GRM8: variants seen among roughly 807,000 people sequenced by gnomAD.
GRM8 encodes glutamate metabotropic receptor 8.
GRM8 carries 47 observed loss-of-function variants against 87.2 expected under a neutral mutation model. That is an observed-to-expected ratio of 0.54 (90% CI 0.43 to 0.69). GRM8 has a LOEUF of 0.69. GRM8 is among the 30% of genes least tolerant of loss of function. The pLI is 0.00. For missense variants in GRM8, 1,019 were observed against 1,139.2 expected, an observed-to-expected ratio of 0.89 and a Z score of 1.52; for synonymous variants, 396 against 404.5, an observed-to-expected ratio of 0.98 and a Z score of 0.25.
chr7:127,006,977 T>C (rs1374270391), intron 3 of GRM8, among the ~76,000 whole-genome samples: 1 of 152,006 alleles, frequency 6.6e-6, no homozygotes, highest in Non-Finnish European at 1.5e-5. Context: ...AACAGTCTTT[T>C]ATTTTACGTA....
chr7:126,729,346 G>T (rs1407416315), intron 7 of GRM8, among the ~76,000 whole-genome samples: 1 of 152,152 alleles, frequency 6.6e-6, no homozygotes, highest in Non-Finnish European at 1.5e-5. Flanking sequence ...GAGCCAAGGA[G>T]TCAAAACTCC....
Position 126,893,407 on chromosome 7 carries a change from A to C in GRM8, c.1156+9135T>G, listed in dbSNP as rs1429282017. 2.0e-5 allele frequency among the ~76,000 whole-genome samples: 3 copies of C among 152,020 alleles called. No individual in the cohort carries two copies. In the East Asian group the frequency reaches 5.8e-4, roughly 29 times the overall value. On this transcript the variant is annotated intron_variant, in intron 6 of 10. Coordinates refer to ENST00000339582, the MANE Select transcript of GRM8 (RefSeq NM_000845.3). ...TATCAGAATAGTACATTTTCTTCTTAAATTACAGTAAAAGCCCTTTTATAA... is the reference window on the plus strand; with the variant it reads ...TATCAGAATAGTACATTTTCTTCTTCAATTACAGTAAAAGCCCTTTTATAA...
chr7:127,030,138 C>T (rs993318859), intron 3 of GRM8, among the ~76,000 whole-genome samples: 2 of 152,024 alleles, frequency 1.3e-5, no homozygotes, highest in Middle Eastern at 3.2e-3. Context: ...TGCCTTTCCT[C>T]AAGTTGAGTG....
intron 2 of GRM8, among the ~76,000 whole-genome samples, chr7:127,140,299 C>T (rs1828190130): frequency 6.6e-6 from 1 of 152,052 alleles, no homozygotes; most frequent in Non-Finnish European, 1.5e-5. Flanking sequence ...CAAACCCTGT[C>T]CCCAATCCCA....
intron 10 of GRM8, 145 bp downstream of exon 10, chr7:126,445,981 A>G: frequency 1.1e-6 from 1 of 926,054 alleles, no homozygotes. Context: ...ATGGTTTTAA[A>G]TGTGATGGTG....
chr7:127,123,564 C>T (rs1189938845), intron 2 of GRM8, among the ~76,000 whole-genome samples: 2 of 152,238 alleles, frequency 1.3e-5, no homozygotes, highest in Non-Finnish European at 2.9e-5. Context: ...GATGCAGATG[C>T]CCAATCTTAA....
intron 2 of GRM8, among the ~76,000 whole-genome samples, chr7:127,121,705 G>A (rs1333410294): frequency 2.6e-5 from 4 of 152,154 alleles, no homozygotes; most frequent in Non-Finnish European, 4.4e-5. Context: ...GTGAGGGAGA[G>A]AGAGTGCACG....
chr7:126,550,087 A>G (rs2150924680), intron 8 of GRM8, among the ~76,000 whole-genome samples: 1 of 151,736 alleles, frequency 6.6e-6, no homozygotes, highest in South Asian at 2.1e-4. Flanking sequence ...CAAGTTCCAG[A>G]GTAGAGTGAA....
intron 6 of GRM8, among the ~76,000 whole-genome samples, chr7:126,807,553 T>C (rs1237958332): frequency 2.6e-5 from 4 of 152,104 alleles, no homozygotes; most frequent in African/African-American, 9.7e-5. Flanking sequence ...GTTGCCTCCT[T>C]ATATCCAGGT....
intron 6 of GRM8, among the ~76,000 whole-genome samples, chr7:126,789,243 A>AC (rs1821002607): frequency 6.6e-6 from 1 of 152,206 alleles, no homozygotes; most frequent in African/African-American, 2.4e-5. Flanking sequence ...ACCAAAAAAA[A>AC]ACACACAATG....
At position 126,828,026 on chromosome 7, in the gene GRM8, G is replaced by A. The variant is rs531751206; in HGVS notation, c.1157-57961C>T. 1.4e-3 allele frequency among the ~76,000 whole-genome samples: 220 copies of A among 152,216 alleles called. 1 individual carries two copies. Among genetic ancestry groups the A allele is most frequent in the African/African-American group, 4.7e-3 (196 of 41,530 alleles). On this transcript the variant is annotated intron_variant, in intron 6 of 10. Coordinates refer to ENST00000339582, the MANE Select transcript of GRM8 (RefSeq NM_000845.3). ...TGCTGGATTACATTTGTTGATTTGC[G>A]TATATTGAACCAGCCTTGCATCCCA...
At chr7:126,502,743 G>T (rs2150703432) in intron 9 of GRM8, among the ~76,000 whole-genome samples, 1 of 152,098 alleles carries the variant, frequency 6.6e-6, no homozygotes, top group South Asian at 2.1e-4. Flanking sequence ...AAAATTAGAG[G>T]CATAAAAATG....
At chr7:126,563,868 CAT>C (rs1299405867) in intron 8 of GRM8, among the ~76,000 whole-genome samples, 1 of 152,202 alleles carries the variant, frequency 6.6e-6, no homozygotes, top group Non-Finnish European at 1.5e-5. Context: ...TGATTTCTCA[CAT>C]GTGTGAAAGT....
At chr7:126,707,271 A>G (rs1810623897) in intron 7 of GRM8, among the ~76,000 whole-genome samples, 1 of 152,140 alleles carries the variant, frequency 6.6e-6, no homozygotes, top group Admixed American at 6.6e-5. Flanking sequence ...CCACAAAAAG[A>G]CTATAGCTAT....
chr7:126,677,299 C>T (rs577930436), intron 7 of GRM8, among the ~76,000 whole-genome samples: 19 of 145,902 alleles, frequency 1.3e-4, no homozygotes, highest in Non-Finnish European at 2.1e-4. Context: ...GGAAATTTCT[C>T]AAAGAACTAG....
chr7:126,626,691 T>C (rs896786029), intron 7 of GRM8, among the ~76,000 whole-genome samples: 5 of 152,170 alleles, frequency 3.3e-5, no homozygotes, highest in Admixed American at 1.3e-4. Flanking sequence ...AGAAGTGTTC[T>C]ACCTTCTCTT....
chr7:126,750,497 G>A (rs181813487), intron 7 of GRM8, among the ~76,000 whole-genome samples: 49 of 151,932 alleles, frequency 3.2e-4, no homozygotes, highest in Admixed American at 5.2e-4. Flanking sequence ...TTAAGCCGAC[G>A]AAGAAAAAAA....
At chr7:126,616,284 A>C (rs1306515325) in intron 7 of GRM8, among the ~76,000 whole-genome samples, 1 of 152,256 alleles carries the variant, frequency 6.6e-6, no homozygotes, top group East Asian at 1.9e-4. Flanking sequence ...TACTGGGTAC[A>C]TAACGAAATG....
At chr7:126,471,187 T>G (rs911692999) in intron 9 of GRM8, among the ~76,000 whole-genome samples, 3 of 152,048 alleles carry the variant, frequency 2.0e-5, no homozygotes, top group African/African-American at 4.8e-5. Flanking sequence ...AGAAGCTCTT[T>G]AGTTTAATTA....
Sources: allele counts gnomAD v4.1 joint callset (sites outside exome capture counted in the v4.1 genomes callset), GRCh38; gene constraint gnomAD v4.1.1; transcripts MANE v1.5; gene names NCBI Gene and HGNC (gene_info 2026-07-23, HGNC 2026-07-21).